Variants in SASH1 observed in about 807,000 individuals in gnomAD.
The protein encoded by SASH1 is SAM and SH3 domain containing 1.
A neutral mutation model predicts 125.2 loss-of-function variants in SASH1; 44 were observed. The ratio of observed to expected loss-of-function variants is 0.35; its 90% CI spans 0.28 to 0.45. SASH1 has a LOEUF of 0.45. SASH1 is among the 20% of genes least tolerant of loss of function. The pLI is 1.00. For synonymous variants in SASH1, 639 were observed against 649.1 expected (o/e 0.98, Z 0.24); for missense variants, 1,426 against 1,614.5 (o/e 0.88, Z 2.00).
chr6:148,497,470 A>T (rs534692250), intron 8 of SASH1, among the ~76,000 whole-genome samples: 1 of 152,236 alleles, frequency 6.6e-6, no homozygotes, highest in Non-Finnish European at 1.5e-5. Flanking sequence ...GAGACTGGTT[A>T]AGCTCAGACT....
chr6:148,481,379 C>A (rs1778611850), intron 7 of SASH1, among the ~76,000 whole-genome samples: 1 of 152,048 alleles, frequency 6.6e-6, no homozygotes, highest in Non-Finnish European at 1.5e-5. Flanking sequence ...AGTGGAGTAG[C>A]ACTTTTCGTT....
At chr6:148,298,294 T>G (rs1402983448) in intron 1 of SASH1, among the ~76,000 whole-genome samples, 1 of 152,096 alleles carries the variant, frequency 6.6e-6, no homozygotes, top group African/African-American at 2.4e-5. Flanking sequence ...ATTATAGACA[T>G]GAGCCGCCGT....
chr6:148,434,470 G>T (rs914242506), intron 2 of SASH1, among the ~76,000 whole-genome samples: 3 of 151,912 alleles, frequency 2.0e-5, no homozygotes, highest in Non-Finnish European at 4.4e-5. Context: ...TACTCTCAGC[G>T]TTTTTTTTCC....
chr6:148,376,522 A>G (rs1361548684), intron 1 of SASH1, among the ~76,000 whole-genome samples: 3 of 152,138 alleles, frequency 2.0e-5, no homozygotes, highest in Non-Finnish European at 4.4e-5. Context: ...GAATATATGC[A>G]TGTTTTCCGT....
At chr6:148,199,427 TC>T in the SASH1 span, among the ~76,000 whole-genome samples, 313 of 151,204 alleles carry the variant, frequency 2.1e-3, 3 homozygotes, top group Middle Eastern at 0.014. Flanking sequence ...CCCTTTTCTC[TC>T]CTTTTAAGGA....
chr6:148,319,796 G>A (rs192723464), intron 1 of SASH1, among the ~76,000 whole-genome samples: 29 of 152,334 alleles, frequency 1.9e-4, no homozygotes, highest in Admixed American at 5.9e-4. Flanking sequence ...TTACAGGCAT[G>A]AGCCACCGCA....
intron 1 of SASH1, among the ~76,000 whole-genome samples, chr6:148,364,446 A>G (rs1023405234): frequency 1.3e-4 from 20 of 152,312 alleles, no homozygotes; most frequent in Non-Finnish European, 2.4e-4. Context: ...TGACAGTGGA[A>G]TCAGTAATTT....
chr6:148,268,515 C>T (rs1778992326), upstream of SASH1, among the ~76,000 whole-genome samples: 1 of 152,230 alleles, frequency 6.6e-6, no homozygotes. Flanking sequence ...CTGCTCAACT[C>T]TGTGCAATTT....
chr6:148,494,240 A>G (rs1779223886), intron 8 of SASH1, among the ~76,000 whole-genome samples: 1 of 152,194 alleles, frequency 6.6e-6, no homozygotes, highest in Non-Finnish European at 1.5e-5. Context: ...TTAAGAATAT[A>G]TATAATGTAT....
At chr6:148,384,812 G>A (rs558168193) in intron 1 of SASH1, among the ~76,000 whole-genome samples, 26 of 152,264 alleles carry the variant, frequency 1.7e-4, no homozygotes, top group African/African-American at 5.8e-4. Context: ...TTGGGAATAA[G>A]TATATGCCAT....
At chr6:148,240,667 G>A in the SASH1 span, among the ~76,000 whole-genome samples, 1,281 of 152,192 alleles carry the variant, frequency 8.4e-3, 18 homozygotes, top group East Asian at 0.072. Flanking sequence ...TTCTCTATGC[G>A]TCAGGGCTCT....
chr6:148,421,213 G>GAA (rs72197515), intron 2 of SASH1, among the ~76,000 whole-genome samples: 1 of 130,506 alleles, frequency 7.7e-6, no homozygotes, highest in Admixed American at 7.6e-5. Flanking sequence ...AAGAAAGAAA[G>GAA]AAAAAGAAAG....
intron 1 of SASH1, among the ~76,000 whole-genome samples, chr6:148,372,523 C>T (rs1376885346): frequency 6.6e-6 from 1 of 152,052 alleles, no homozygotes; most frequent in Non-Finnish European, 1.5e-5. Context: ...GGATGTTTTA[C>T]AAGTTAAAAC....
chr6:148,332,715 G>A (rs79412188), intron 1 of SASH1, among the ~76,000 whole-genome samples: 6,974 of 152,162 alleles, frequency 0.046, 227 homozygotes, highest in South Asian at 0.09. Context: ...GGCCGGGTGC[G>A]GTGGCTCATG....
chr6:148,229,689 C>T, the SASH1 span, among the ~76,000 whole-genome samples: 3 of 150,714 alleles, frequency 2.0e-5, no homozygotes, highest in Admixed American at 6.6e-5. Flanking sequence ...CAAAGTTGTG[C>T]GACCAACACC....
intron 13 of SASH1, 46 bp downstream of exon 13, chr6:148,531,707 TC>T: frequency 6.9e-7 from 1 of 1,456,080 alleles, no homozygotes; most frequent in Non-Finnish European, 9.1e-7. Flanking sequence ...GGAGTTAATA[TC>T]TGACATATAC....
chr6:148,224,727 A>G, the SASH1 span, among the ~76,000 whole-genome samples: 1,208 of 152,278 alleles, frequency 7.9e-3, 19 homozygotes, highest in African/African-American at 0.028. Flanking sequence ...GCAATGCCCC[A>G]TAGTAATATT....
At chr6:148,281,916 C>G (rs1391741999) in intron 1 of SASH1, among the ~76,000 whole-genome samples, 1 of 90,274 alleles carries the variant, frequency 1.1e-5, no homozygotes, top group Non-Finnish European at 2.2e-5. Flanking sequence ...AGCGAGACTC[C>G]GTCTCAAAAA....
chr6:148,277,992 G>A (rs1277785655), intron 1 of SASH1, among the ~76,000 whole-genome samples: 3 of 151,964 alleles, frequency 2.0e-5, no homozygotes, highest in Non-Finnish European at 4.4e-5. Flanking sequence ...TGGGATTGCA[G>A]GCGTGAGCCA....
Sources: allele counts gnomAD v4.1 joint callset (sites outside exome capture counted in the v4.1 genomes callset), GRCh38; gene constraint gnomAD v4.1.1; transcripts MANE v1.5; gene names NCBI Gene and HGNC (gene_info 2026-07-23, HGNC 2026-07-21).